Variants in CHAF1A observed in about 807,000 individuals in gnomAD.
CHAF1A encodes CAF-1 subunit A.
A neutral mutation model predicts 93.2 loss-of-function variants in CHAF1A; 5 were observed. The ratio of observed to expected loss-of-function variants is 0.05; its 90% CI spans 0.03 to 0.11. CHAF1A has a LOEUF of 0.11. CHAF1A is among the 10% of genes least tolerant of loss of function. The pLI is 1.00. For missense variants in CHAF1A, 1,102 were observed against 1,259.9 expected (o/e 0.87, Z 1.90); for synonymous variants, 504 against 510.3 (o/e 0.99, Z 0.17).
At chr19:4,447,961 C>T (rs1162008247), downstream of CHAF1A, 2 of 498,534 alleles carry the variant, frequency 4.0e-6, no homozygotes, top group African/African-American at 1.9e-5. Context: ...GCAGGGGGCT[C>T]CTGCGGGGTG....
downstream of CHAF1A, chr19:4,447,410 C>G: frequency 1.1e-6 from 1 of 870,556 alleles, no homozygotes; most frequent in Non-Finnish European, 1.9e-6. Context: ...CTTCTACTGG[C>G]CGAACCCTTC....
chr19:4,439,242 C>CT (rs1213967461), intron 13 of CHAF1A, among the ~76,000 whole-genome samples: 4 of 151,664 alleles, frequency 2.6e-5, no homozygotes, highest in African/African-American at 9.7e-5. Context: ...GATTGTGCCA[C>CT]TGCACTCCAG....
chr19:4,438,698 A>C (rs1974331538), intron 13 of CHAF1A, among the ~76,000 whole-genome samples: 1 of 151,862 alleles, frequency 6.6e-6, no homozygotes, highest in African/African-American at 2.4e-5. Context: ...AAAGAAGCAT[A>C]GATGGCCGGG....
intron 4 of CHAF1A, among the ~76,000 whole-genome samples, chr19:4,419,109 A>G (rs964669502): frequency 7.2e-6 from 1 of 139,210 alleles, no homozygotes; most frequent in African/African-American, 2.7e-5. Context: ...CAAACTCCTG[A>G]GCTCAGGCAA....
Position 4,422,802 on chromosome 19 carries a change from G to A in CHAF1A, c.1247+7G>A. On this transcript the variant is annotated splice_region_variant and intron_variant, in intron 5 of 14. Coordinates refer to ENST00000301280, the MANE Select transcript of CHAF1A (RefSeq NM_005483.3). This position sits in a 1 kb window ranked among gnomAD's most constrained non-coding sequence, Gnocchi z 4.6. ...AGAGACAGGAAGCCCTGGAGTGAGTGTCCTTGGAGGCCATGCTGGGCCCGC... is the reference window on the plus strand; with the variant it reads ...AGAGACAGGAAGCCCTGGAGTGAGTATCCTTGGAGGCCATGCTGGGCCCGC... 10 of 1,611,126 alleles carry A rather than the reference G, an allele frequency of 6.2e-6. No individual in the cohort carries two copies. Among genetic ancestry groups the A allele is most frequent in the South Asian group, 3.3e-5 (3 of 90,960 alleles).
At position 4,422,795 on chromosome 19, in the gene CHAF1A, A is replaced by T; in HGVS notation, c.1247A>T (p.Glu416Val). 1 of 1,612,190 alleles carries T rather than the reference A, an allele frequency of 6.2e-7. No individual in the cohort carries two copies. Among genetic ancestry groups the T allele is most frequent in the Non-Finnish European group, 8.5e-7 (1 of 1,179,594 alleles). ...CGCAAGGAGAGACAGGAAGCCCTGG[A>T]GTGAGTGTCCTTGGAGGCCATGCTG... ...ERRKERQEAL[E>V]AKLEEKRKKE... is the part of the protein sequence containing the mutation. Residue 416 changes from glutamate (E) to valine (V), a missense_variant and splice_region_variant, in exon 5 of 15, where the codon GAG (glutamate) becomes GTG (valine). Glu to Val is a moderately radical substitution (Grantham distance 121, BLOSUM62 -2). Coordinates refer to ENST00000301280, the MANE Select transcript of CHAF1A (RefSeq NM_005483.3). This position sits in a 1 kb window ranked among gnomAD's most constrained non-coding sequence, Gnocchi z 4.6.
At chr19:4,447,688 C>T (rs1300000353), downstream of CHAF1A, 1 of 1,548,534 alleles carries the variant, frequency 6.5e-7, no homozygotes, top group East Asian at 2.2e-5. Flanking sequence ...CCCTCTGTGC[C>T]TCCTGCTCCA....
intron 10 of CHAF1A, 109 bp downstream of exon 10, chr19:4,429,897 T>A: frequency 9.5e-6 from 9 of 948,794 alleles, no homozygotes; most frequent in Non-Finnish European, 1.3e-5. Flanking sequence ...CACTGACAGC[T>A]GGTGTTTGAC....
At chr19:4,403,262 C>G (rs950702686) in intron 1 of CHAF1A, among the ~76,000 whole-genome samples, 1 of 152,308 alleles carries the variant, frequency 6.6e-6, no homozygotes, top group South Asian at 2.1e-4. Context: ...GGGGTAAGCC[C>G]GGGTAAGAAG....
chr19:4,417,300 C>A lies in CHAF1A; in HGVS notation c.961-720C>A, dbSNP rs1973911895. 2.6e-5 allele frequency among the ~76,000 whole-genome samples: 4 copies of A among 152,142 alleles called. No homozygotes were observed. The South Asian group carries it at 8.3e-4, about 32-fold the overall frequency. On this transcript the variant is annotated intron_variant, in intron 3 of 14. Coordinates refer to ENST00000301280, the MANE Select transcript of CHAF1A (RefSeq NM_005483.3). ...CCATTTTTAAACACCTAAAAAAATT[C>A]ATATGAAATTCCTAATATCAGCTTC...
At position 4,430,049 on chromosome 19, in the gene CHAF1A, C is replaced by T. The variant is rs891999043; in HGVS notation, c.1854+261C>T. 7 of 468,000 alleles carry T rather than the reference C, an allele frequency of 1.5e-5. No individual in the cohort carries two copies. The Admixed American group carries it at 2.3e-4, about 16-fold the overall frequency. 29.0% of individuals were successfully genotyped at this position (468,000 alleles called of 1,614,324 possible). A position where few individuals can be genotyped will look rare whatever the true frequency, so the allele number is the denominator to read the frequency against. Reference sequence around the variant, plus strand: ...ATCTGCACCGTGGCCCCACAGCCCCCTCTTGCCTCCTGCGGGCCTGCTGCA... The same window carrying T: ...ATCTGCACCGTGGCCCCACAGCCCCTTCTTGCCTCCTGCGGGCCTGCTGCA... On this transcript the variant is annotated intron_variant, in intron 10 of 14. Coordinates refer to ENST00000301280, the MANE Select transcript of CHAF1A (RefSeq NM_005483.3).
chr19:4,441,533 G>A (rs1024637315), intron 13 of CHAF1A, among the ~76,000 whole-genome samples: 35 of 151,984 alleles, frequency 2.3e-4, no homozygotes, highest in Middle Eastern at 3.2e-3. Flanking sequence ...GCTTGAACCC[G>A]GGTGGCGGAG....
At chr19:4,410,869 C>T (rs1973784703) in intron 3 of CHAF1A, among the ~76,000 whole-genome samples, 1 of 152,064 alleles carries the variant, frequency 6.6e-6, no homozygotes, top group Non-Finnish European at 1.5e-5. Context: ...TTTAAGGACC[C>T]CATAAGGGGG....
At chr19:4,437,563 T>G (rs1448355764) in intron 13 of CHAF1A, among the ~76,000 whole-genome samples, 1 of 151,844 alleles carries the variant, frequency 6.6e-6, no homozygotes, top group Non-Finnish European at 1.5e-5. Flanking sequence ...CCCAGGCTGG[T>G]CTCCAACTCC....
intron 1 of CHAF1A, among the ~76,000 whole-genome samples, chr19:4,405,375 T>G (rs187245897): frequency 2.0e-5 from 3 of 152,172 alleles, no homozygotes; most frequent in Non-Finnish European, 4.4e-5. Context: ...TTTGGGAGGC[T>G]GAGGCGGGTG....
intron 2 of CHAF1A, among the ~76,000 whole-genome samples, chr19:4,407,644 G>A (rs1411694341): frequency 6.6e-6 from 1 of 152,116 alleles, no homozygotes; most frequent in Non-Finnish European, 1.5e-5. Context: ...TCAGGATTTT[G>A]TTTTTTAAGT....
intron 7 of CHAF1A, among the ~76,000 whole-genome samples, chr19:4,425,315 ATC>A (rs1305732197): frequency 6.6e-6 from 1 of 152,024 alleles, no homozygotes; most frequent in African/African-American, 2.4e-5. Flanking sequence ...CAGTGGCGCT[ATC>A]TCTCGGCTCA....
chr19:4,404,771 A>T (rs115994172), intron 1 of CHAF1A, among the ~76,000 whole-genome samples: 1,761 of 152,104 alleles, frequency 0.012, 32 homozygotes, highest in African/African-American at 0.04. Flanking sequence ...TCCTAAACTT[A>T]CTCTGTTTAA....
chr19:4,411,667 A>ATTTTTTTTTTTTTT (rs1427482814), intron 3 of CHAF1A, among the ~76,000 whole-genome samples: 6 of 9,946 alleles, frequency 6.0e-4, no homozygotes, highest in Non-Finnish European at 1.5e-3. Context: ...TTTTTTTTTG[A>ATTTTTTTTTTTTTT]GACATGGTCT....
Sources: gnomAD v4.1 joint callset for allele counts (sites outside exome capture counted in the v4.1 genomes callset) on GRCh38, gnomAD v4.1.1 for gene constraint, Gnocchi (gnomAD v3.1) non-coding constraint, MANE v1.5 for transcripts, NCBI Gene and HGNC (gene_info 2026-07-23, HGNC 2026-07-21) for gene names.